The following ASCC3 variants were observed in gnomAD, a reference collection of about 807,000 sequenced individuals.
ASCC3 encodes the protein activating signal cointegrator 1 complex subunit 3.
ASCC3 carries 158 observed loss-of-function variants against 256.3 expected under a neutral mutation model. The ratio of observed to expected loss-of-function variants is 0.62; its 90% CI spans 0.54 to 0.70. The LOEUF is 0.70. Ranked by LOEUF, ASCC3 falls within the 30% of genes least tolerant of loss-of-function variation. ASCC3 has a pLI of 0.00. For synonymous variants in ASCC3, 948 were observed against 883.4 expected (o/e 1.07, Z -1.30); for missense variants, 2,259 against 2,626.0 (o/e 0.86, Z 3.05).
chr6:100,707,850 A>C (rs1023311189), intron 13 of ASCC3, among the ~76,000 whole-genome samples: 1 of 152,098 alleles, frequency 6.6e-6, no homozygotes, highest in African/African-American at 2.4e-5. Context: ...GCAGTTCCTT[A>C]TATCTAGCTC....
intron 19 of ASCC3, 24 bp downstream of exon 19, chr6:100,651,536 G>T (rs1473380685): frequency 1.4e-6 from 2 of 1,451,328 alleles, no homozygotes; most frequent in Non-Finnish European, 1.9e-6. Flanking sequence ...GTATGCATTT[G>T]ATTCAAATTT....
chr6:100,799,633 A>G, intron 6 of ASCC3, 61 bp from the exon 7 acceptor site: 2 of 1,515,272 alleles, frequency 1.3e-6, no homozygotes, highest in Middle Eastern at 3.4e-4. Flanking sequence ...TGCATACACC[A>G]AAACAAGGCA....
At chr6:100,828,507 T>C (rs1771442924) in intron 4 of ASCC3, among the ~76,000 whole-genome samples, 1 of 152,148 alleles carries the variant, frequency 6.6e-6, no homozygotes, top group East Asian at 1.9e-4. Context: ...ACCCTCGCAG[T>C]GAGTGTTATA....
chr6:100,526,418 A>C (rs1774580760), intron 37 of ASCC3, among the ~76,000 whole-genome samples: 2 of 152,196 alleles, frequency 1.3e-5, no homozygotes, highest in Admixed American at 6.5e-5. Flanking sequence ...ATAGCATCAT[A>C]TCATCAACAA....
intron 13 of ASCC3, among the ~76,000 whole-genome samples, chr6:100,684,967 C>T (rs964020171): frequency 2.0e-5 from 3 of 151,816 alleles, no homozygotes; most frequent in African/African-American, 4.8e-5. Context: ...CCACCACGCC[C>T]GGCTAATTTT....
intron 8 of ASCC3, 107 bp downstream of exon 8, chr6:100,798,606 C>T: frequency 6.5e-7 from 1 of 1,542,946 alleles, no homozygotes; most frequent in South Asian, 1.1e-5. Flanking sequence ...TATGTCTGTA[C>T]TGTATTTGCC....
chr6:100,537,040 G>C (rs1379971037), intron 37 of ASCC3, among the ~76,000 whole-genome samples: 1 of 152,064 alleles, frequency 6.6e-6, no homozygotes, highest in Non-Finnish European at 1.5e-5. Context: ...TATCACAAAT[G>C]GATGCTGAAA....
intron 37 of ASCC3, among the ~76,000 whole-genome samples, chr6:100,533,723 T>C (rs1775026393): frequency 6.6e-6 from 1 of 152,210 alleles, no homozygotes; most frequent in Admixed American, 6.5e-5. Context: ...AAATACCATA[T>C]ATAGGAAGTA....
intron 13 of ASCC3, among the ~76,000 whole-genome samples, chr6:100,686,719 T>G (rs1309053323): frequency 1.3e-5 from 2 of 152,106 alleles, no homozygotes; most frequent in Non-Finnish European, 2.9e-5. Flanking sequence ...ACACAAGTCA[T>G]TTTACATGTT....
At chr6:100,731,239 G>T (rs1779890545) in intron 10 of ASCC3, among the ~76,000 whole-genome samples, 1 of 152,076 alleles carries the variant, frequency 6.6e-6, no homozygotes, top group South Asian at 2.1e-4. Context: ...ATACTTTCCA[G>T]ACTATGTGTG....
At chr6:100,690,849 C>G (rs1010328497) in intron 13 of ASCC3, among the ~76,000 whole-genome samples, 1 of 152,100 alleles carries the variant, frequency 6.6e-6, no homozygotes, top group African/African-American at 2.4e-5. Flanking sequence ...TCTCATGCAG[C>G]TCTTCTCAAG....
At chr6:100,785,359 T>C (rs4839789) in intron 8 of ASCC3, among the ~76,000 whole-genome samples, 1 of 151,912 alleles carries the variant, frequency 6.6e-6, no homozygotes. Flanking sequence ...TATATTTTTA[T>C]GTTACTTAAC....
rs554812258 is a variant in ASCC3, at chr6:100,684,605, ACT to A, written c.2152-4855_2152-4854del. On this transcript the variant is annotated intron_variant, in intron 13 of 41. Transcript: ENST00000369162. ...AAAAGATTAAACAGACCAGTATACC[ACT>A]GTTATACATTGACAACTATGCACTT... 3.2e-3 allele frequency among the ~76,000 whole-genome samples: 475 copies of A among 150,080 alleles called. 3 individuals are homozygous for A. The highest frequency in any genetic ancestry group is 5.1e-3 in the Non-Finnish European group (348 of 67,648).
intron 25 of ASCC3, among the ~76,000 whole-genome samples, chr6:100,633,045 CGAAA>C (rs1329523693): frequency 1.3e-5 from 2 of 151,910 alleles, no homozygotes; most frequent in Non-Finnish European, 2.9e-5. Context: ...AATGACAAAA[CGAAA>C]GAAAATATTT....
chr6:100,632,082 A>T (rs1224779293), intron 25 of ASCC3, among the ~76,000 whole-genome samples: 2 of 151,500 alleles, frequency 1.3e-5, no homozygotes, highest in African/African-American at 4.8e-5. Context: ...TAAATACTAC[A>T]TAAAAAAACT....
chr6:100,727,066 G>A (rs970940241), intron 10 of ASCC3, among the ~76,000 whole-genome samples: 1 of 151,820 alleles, frequency 6.6e-6, no homozygotes, highest in African/African-American at 2.4e-5. Context: ...CATCTTAAAC[G>A]TTATTATTAA....
chr6:100,878,847 A>T (rs531676500), intron 1 of ASCC3, among the ~76,000 whole-genome samples: 2 of 151,920 alleles, frequency 1.3e-5, no homozygotes, highest in South Asian at 4.1e-4. Context: ...CACCAAGCAA[A>T]CAATCACTTC....
intron 8 of ASCC3, among the ~76,000 whole-genome samples, chr6:100,781,093 T>C (rs985829124): frequency 6.6e-5 from 10 of 152,142 alleles, no homozygotes; most frequent in African/African-American, 2.2e-4. Context: ...AGTGATGTTG[T>C]TTTTTTCCTC....
intron 34 of ASCC3, among the ~76,000 whole-genome samples, chr6:100,600,198 T>C (rs7743522): frequency 0.042 from 4,595 of 108,456 alleles, 78 homozygotes; most frequent in African/African-American, 0.079. Flanking sequence ...TATACACACA[T>C]GCACATGCAC....
Sources: gnomAD v4.1 joint callset for allele counts (sites outside exome capture counted in the v4.1 genomes callset) on GRCh38, gnomAD v4.1.1 for gene constraint, MANE v1.5 for transcripts, NCBI Gene and HGNC (gene_info 2026-07-23, HGNC 2026-07-21) for gene names.